Variants in CCDC171 observed in about 807,000 individuals in gnomAD.
CCDC171 encodes the protein coiled-coil domain containing 171.
In CCDC171, 177 loss-of-function variants were observed where a neutral mutation model predicts 168.2. The observed-to-expected ratio is 1.05, with a 90% CI of 0.93 to 1.19. CCDC171 has a LOEUF of 1.19. Among genes scored for constraint, CCDC171 ranks in the 50% most tolerant of loss-of-function variants. The pLI is 0.00. For synonymous variants in CCDC171, 687 were observed against 540.8 expected (o/e 1.27, Z -3.75); for missense variants, 1,991 against 1,539.0 (o/e 1.29, Z -4.91).
chr9:15,748,315 G>A (rs1239104518), intron 18 of CCDC171, among the ~76,000 whole-genome samples: 2 of 152,114 alleles, frequency 1.3e-5, no homozygotes, highest in African/African-American at 4.8e-5. Flanking sequence ...AAGAAATAGG[G>A]GATTATGTGA....
intron 2 of CCDC171, among the ~76,000 whole-genome samples, chr9:15,566,415 C>CG (rs1179288770): frequency 6.6e-6 from 1 of 152,002 alleles, no homozygotes; most frequent in Non-Finnish European, 1.5e-5. Context: ...AAAAATTAGC[C>CG]AGGCGTGGTG....
At chr9:15,647,174 G>T (rs906719487) in intron 7 of CCDC171, among the ~76,000 whole-genome samples, 1 of 152,060 alleles carries the variant, frequency 6.6e-6, no homozygotes, top group Non-Finnish European at 1.5e-5. Flanking sequence ...CAAAATGAAG[G>T]CAGAAATAAA....
the CCDC171 span, among the ~76,000 whole-genome samples, chr9:16,090,480 A>G: frequency 6.0e-4 from 91 of 152,306 alleles, no homozygotes; most frequent in African/African-American, 2.1e-3. Flanking sequence ...ATGGGTTGAT[A>G]GATGTAGCAA....
Position 15,936,309 on chromosome 9 carries a change from A to G in CCDC171, c.3753+15887A>G, listed in dbSNP as rs534111004. 8.5e-4 allele frequency among the ~76,000 whole-genome samples: 129 copies of G among 152,200 alleles called. 1 individual carries two copies. Among genetic ancestry groups the G allele is most frequent in the African/African-American group, 2.4e-3 (98 of 41,572 alleles). ...GACACTATGCACCAAGCCACAAAAA[A>G]AAAGTCAAAAATTTTTTCCTGAACT... On this transcript the variant is annotated intron_variant, in intron 25 of 25. Transcript: ENST00000380701.
intron 1 of CCDC171, among the ~76,000 whole-genome samples, chr9:16,052,473 C>T (rs904164345): frequency 6.6e-6 from 1 of 152,150 alleles, no homozygotes; most frequent in Non-Finnish European, 1.5e-5. Context: ...TCACAAAGCT[C>T]TTATGCCACA....
the CCDC171 span, among the ~76,000 whole-genome samples, chr9:16,083,316 T>C: frequency 4.6e-5 from 7 of 152,264 alleles, no homozygotes; most frequent in Non-Finnish European, 5.9e-5. Flanking sequence ...GGAAGCAAAG[T>C]AGTTTTTCCC....
rs955752540 is a variant in CCDC171, at chr9:15,854,812, T to C, written c.3468+5865T>C. On this transcript the variant is annotated intron_variant, in intron 23 of 25. Coordinates refer to ENST00000380701, the MANE Select transcript of CCDC171 (RefSeq NM_173550.4). ...TTTTTTATATTCATCTATTTCAAAA[T>C]ATTTTCTAATTTCTATGATTTCTTC... is the stretch of plus-strand genomic sequence containing the variant. Among the ~76,000 whole-genome samples the C allele has an allele frequency of 4.0e-5, 6 of 151,766 alleles. No individual in the cohort carries two copies. The South Asian group carries it at 8.3e-4, about 21-fold the overall frequency.
At chr9:15,594,452 A>G (rs2042200404) in intron 6 of CCDC171, among the ~76,000 whole-genome samples, 1 of 152,096 alleles carries the variant, frequency 6.6e-6, no homozygotes, top group Non-Finnish European at 1.5e-5. Flanking sequence ...AAAATTTGAG[A>G]CTAATAGCTG....
chr9:15,739,405 G>T (rs1471839893), intron 16 of CCDC171, among the ~76,000 whole-genome samples: 1 of 152,166 alleles, frequency 6.6e-6, no homozygotes. Context: ...GGGGATGTTG[G>T]TACCTGAGGG....
In CCDC171 at chr9:15,993,233, G is replaced by T. The variant is rs148344414; in HGVS notation, n.369-27356G>T. Among the ~76,000 whole-genome samples the T allele has an allele frequency of 6.8e-3, 1,030 of 152,022 alleles. 13 individuals carry two copies. Among genetic ancestry groups the T allele is most frequent in the African/African-American group, 0.024 (978 of 41,338 alleles). Reference sequence around the variant, plus strand: ...CAGTAAGCAAAACAGCATGGTACTGGTACCAAAACAGAGATACAGACCAAT... The same window carrying T: ...CAGTAAGCAAAACAGCATGGTACTGTTACCAAAACAGAGATACAGACCAAT... On this transcript the variant is annotated intron_variant and non_coding_transcript_variant, in intron 3 of 9. Transcript: ENST00000486641.
At chr9:15,654,824 C>G (rs1425527941) in intron 7 of CCDC171, among the ~76,000 whole-genome samples, 2 of 152,120 alleles carry the variant, frequency 1.3e-5, no homozygotes, top group African/African-American at 4.8e-5. Flanking sequence ...GTGCAGTGCA[C>G]TGAGCGTGAG....
chr9:15,798,542 T>C (rs1467269072), intron 21 of CCDC171, among the ~76,000 whole-genome samples: 1 of 152,146 alleles, frequency 6.6e-6, no homozygotes, highest in Non-Finnish European at 1.5e-5. Context: ...ATCTGTCACA[T>C]TTTAGGTTAG....
At chr9:15,746,621 G>A (rs1241282597) in intron 18 of CCDC171, among the ~76,000 whole-genome samples, 1 of 152,178 alleles carries the variant, frequency 6.6e-6, no homozygotes, top group Non-Finnish European at 1.5e-5. Flanking sequence ...AGAAACAGGC[G>A]ATTTGAGTGC....
At chr9:15,688,457 G>T (rs2050564265) in intron 10 of CCDC171, among the ~76,000 whole-genome samples, 1 of 152,108 alleles carries the variant, frequency 6.6e-6, no homozygotes. Context: ...GAATGTAGAT[G>T]CTAAAATTCT....
At chr9:15,579,525 C>T (rs2040945009) in intron 4 of CCDC171, among the ~76,000 whole-genome samples, 1 of 152,042 alleles carries the variant, frequency 6.6e-6, no homozygotes, top group African/African-American at 2.4e-5. Flanking sequence ...TGTTATGTAG[C>T]CCTTGGACTT....
At chr9:16,055,109 A>T (rs1293607523) in intron 1 of CCDC171, among the ~76,000 whole-genome samples, 1 of 152,184 alleles carries the variant, frequency 6.6e-6, no homozygotes, top group East Asian at 1.9e-4. Context: ...AAAGAGAAGG[A>T]CAAAGGAGGA....
upstream of CCDC171, among the ~76,000 whole-genome samples, chr9:16,039,991 A>G (rs1283485817): frequency 1.3e-5 from 2 of 152,194 alleles, no homozygotes; most frequent in Non-Finnish European, 2.9e-5. Context: ...TCGCCTACTC[A>G]TTACATGTGA....
At chr9:15,810,342 G>A (rs972763502) in intron 21 of CCDC171, among the ~76,000 whole-genome samples, 17 of 152,194 alleles carry the variant, frequency 1.1e-4, no homozygotes, top group Admixed American at 7.2e-4. Flanking sequence ...TTGCCTAGTG[G>A]ATCCCATGCC....
intron 18 of CCDC171, among the ~76,000 whole-genome samples, chr9:15,746,792 G>A (rs993891049): frequency 2.6e-5 from 4 of 152,176 alleles, no homozygotes; most frequent in African/African-American, 4.8e-5. Context: ...GAAGCAGGGC[G>A]GGGTGTCACC....
Sources: gnomAD v4.1 joint callset for allele counts (sites outside exome capture counted in the v4.1 genomes callset) on GRCh38, gnomAD v4.1.1 for gene constraint, MANE v1.5 for transcripts, NCBI Gene and HGNC (gene_info 2026-07-23, HGNC 2026-07-21) for gene names.